The following SGSM1 variants were observed in gnomAD, a reference collection of about 807,000 sequenced individuals.
The protein encoded by SGSM1 is RUN and TBC1 domain containing 2.
In SGSM1, 73 loss-of-function variants were observed where a neutral mutation model predicts 133.8. The ratio of observed to expected loss-of-function variants is 0.55; its 90% confidence interval spans 0.45 to 0.66. The LOEUF (loss-of-function observed/expected upper bound fraction) is 0.66, where lower values mean the gene tolerates loss of function less well. Ranked by LOEUF, SGSM1 falls within the 30% of genes least tolerant of loss-of-function variation. The pLI is 0.00. For synonymous variants in SGSM1, 563 were observed against 573.0 expected (o/e 0.98, Z 0.25); for missense variants, 1,213 against 1,448.1 (o/e 0.84, Z 2.64).
chr22:24,869,225 G>C (rs941357232), intron 12 of SGSM1, among the ~76,000 whole-genome samples: 2 of 152,148 alleles, frequency 1.3e-5, no homozygotes, highest in Admixed American at 6.5e-5. Context: ...GAGGTAAGGC[G>C]GCCGGGCATG....
intron 9 of SGSM1, among the ~76,000 whole-genome samples, chr22:24,863,744 CT>C (rs200717326): frequency 0.12 from 17,209 of 140,266 alleles, 1,049 homozygotes; most frequent in South Asian, 0.24. Context: ...TTCTTCTTTT[CT>C]TTTTTTTTTT....
chr22:24,910,367 A>G (rs1194095215), intron 21 of SGSM1, among the ~76,000 whole-genome samples: 1 of 152,286 alleles, frequency 6.6e-6, no homozygotes, highest in African/African-American at 2.4e-5. Flanking sequence ...TGTTAAAAAA[A>G]TGGGGGCTGG....
At chr22:24,854,348 C>T (rs1285477354) in intron 5 of SGSM1, among the ~76,000 whole-genome samples, 1 of 152,184 alleles carries the variant, frequency 6.6e-6, no homozygotes, top group Non-Finnish European at 1.5e-5. Flanking sequence ...TAAGTCACTT[C>T]CTGTCTCAAA....
rs765780737 is a variant in SGSM1 at position 24,893,617 on chromosome 22, A to G, written c.1953+4A>G. On this transcript the variant is annotated splice_donor_region_variant and intron_variant, in intron 17 of 24. Coordinates refer to ENST00000400358, the MANE Select transcript of SGSM1 (RefSeq NM_001098497.3). ...GGACTCAACCATCAGCAATGAGGTG[A>G]TGGGCGGCTGGCCTCGGGGAGCGCG... 1 of 1,555,066 alleles carries G rather than the reference A, an allele frequency of 6.4e-7. No homozygotes were observed. Among genetic ancestry groups the G allele is most frequent in the Non-Finnish European group, 8.7e-7 (1 of 1,150,836 alleles).
intron 9 of SGSM1, among the ~76,000 whole-genome samples, chr22:24,866,403 G>A (rs182950605): frequency 1.4e-4 from 21 of 152,284 alleles, no homozygotes; most frequent in Admixed American, 1.2e-3. Flanking sequence ...TGACTCCTGC[G>A]CGTGGACACA....
intron 18 of SGSM1, among the ~76,000 whole-genome samples, chr22:24,897,485 A>T (rs564885951): frequency 1.3e-5 from 2 of 152,182 alleles, no homozygotes; most frequent in African/African-American, 4.8e-5. Flanking sequence ...GCTGTTTGAG[A>T]CAGAGTCTCA....
chr22:24,892,897 A>G (rs1932838816), intron 16 of SGSM1, among the ~76,000 whole-genome samples: 1 of 151,006 alleles, frequency 6.6e-6, no homozygotes, highest in Non-Finnish European at 1.5e-5. Context: ...AAAAAAAAAA[A>G]AAAAAATACA....
At chr22:24,917,584 C>A in intron 22 of SGSM1, 74 bp from the exon 23 acceptor site, 1 of 1,056,394 alleles carries the variant, frequency 9.5e-7, no homozygotes, top group Non-Finnish European at 1.4e-6. Context: ...GTGGATGTAC[C>A]ACCATTTATT....
chr22:24,919,040 CT>C (rs143985087), intron 23 of SGSM1, among the ~76,000 whole-genome samples: 1,248 of 71,790 alleles, frequency 0.017, 8 homozygotes, highest in African/African-American at 0.051. Context: ...CACACCCGGC[CT>C]TTTTTTTTTT....
chr22:24,893,519 C>T lies in SGSM1; in HGVS notation c.1859C>T (p.Ser620Phe), dbSNP rs1569166843. 6.2e-7 allele frequency: 1 copy of T among 1,612,416 alleles called. No individual in the cohort carries two copies. Residue 620 changes from serine (S) to phenylalanine (F), a missense_variant, in exon 17 of 25, where the codon TCC (serine) becomes TTC (phenylalanine). Ser to Phe is a radical substitution (Grantham distance 155). Transcript: ENST00000400358. Reference sequence around the variant, plus strand: ...ATCGTGCGGCAGAGGGAGCGGGAGTCCCATGCGGCCGCCCTGGCCAAATGC... The same window carrying T: ...ATCGTGCGGCAGAGGGAGCGGGAGTTCCATGCGGCCGCCCTGGCCAAATGC... ...EAIVRQRERE[S>F]HAAALAKCSS...
rs11284624 is a variant in SGSM1 at position 24,899,021 on chromosome 22, C to CA, written c.2610+488dup. ...CAGCCTGGACAACAGAGCAAGATCT[C>CA]AAAAAAAAAAAAAAAAAAAAAAAAA... On this transcript the variant is annotated intron_variant, in intron 19 of 24. Coordinates refer to ENST00000400358, the MANE Select transcript of SGSM1 (RefSeq NM_001098497.3). Among the ~76,000 whole-genome samples the CA allele has an allele frequency of 7.5e-3, 466 of 62,464 alleles. 31 individuals are homozygous for CA. Among genetic ancestry groups the CA allele is most frequent in the Non-Finnish European group, 0.012 (369 of 30,884 alleles). The allele number at this position is 62,464 out of a possible 152,430, so 41.0% of individuals were successfully genotyped here.
rs754496564 is a variant in SGSM1 at position 24,876,657 on chromosome 22, T to A, written c.1372T>A (p.Ser458Thr). 1 of 1,613,970 alleles carries A rather than the reference T, an allele frequency of 6.2e-7. No individual in the cohort carries two copies. The highest frequency in any genetic ancestry group is 8.5e-7 in the Non-Finnish European group (1 of 1,179,898). ...CAGTCCCCGGAAGTCCTCCTGTTCA[T>A]CCTGTTCACAGAGTGGCTCGGCTGA... ...QPSPRKSSCS[S>T]CSQSGSADGS... The change falls in exon 13 of 25, where the codon TCC (serine) becomes ACC (threonine). Residue 458 changes from serine (S) to threonine (T), a missense_variant. Physicochemically the swap from Ser to Thr is moderately conservative, Grantham distance 58. Coordinates refer to ENST00000400358, the MANE Select transcript of SGSM1 (RefSeq NM_001098497.3).
At chr22:24,913,086 T>C (rs1054283013) in intron 22 of SGSM1, among the ~76,000 whole-genome samples, 5 of 151,998 alleles carry the variant, frequency 3.3e-5, no homozygotes, top group African/African-American at 4.8e-5. Flanking sequence ...GGCAACTTGT[T>C]AGAAGTGCAA....
intron 9 of SGSM1, among the ~76,000 whole-genome samples, chr22:24,865,795 A>C (rs954897749): frequency 4.6e-5 from 7 of 152,184 alleles, no homozygotes; most frequent in Admixed American, 3.3e-4. Context: ...AAGGTTGGGC[A>C]GAAGGAGTCT....
intron 21 of SGSM1, among the ~76,000 whole-genome samples, chr22:24,909,196 C>T (rs117683319): frequency 6.6e-6 from 1 of 152,290 alleles, no homozygotes; most frequent in Non-Finnish European, 1.5e-5. Flanking sequence ...CCCGACTCCA[C>T]TCCCTGTCCA....
chr22:24,901,870 G>T lies in SGSM1; in HGVS notation c.2648G>T (p.Arg883Leu), dbSNP rs761415497. 2.5e-6 allele frequency: 4 copies of T among 1,612,032 alleles called. No homozygotes were observed. Among genetic ancestry groups the T allele is most frequent in the Non-Finnish European group, 2.5e-6 (3 of 1,179,222 alleles). ...LLDLYTVNLHRIEKDVQRCDR... is the reference protein window; with the variant it reads ...LLDLYTVNLHLIEKDVQRCDR... Reference sequence around the variant, plus strand: ...GATCTGTACACGGTGAACCTGCACCGCATCGAGAAGGATGTGCAGAGGTGC... The same window carrying T: ...GATCTGTACACGGTGAACCTGCACCTCATCGAGAAGGATGTGCAGAGGTGC... Residue 883 changes from arginine (R) to leucine (L), a missense_variant, in exon 20 of 25, where the codon CGC (arginine) becomes CTC (leucine). Transcript: ENST00000400358.
intron 2 of SGSM1, among the ~76,000 whole-genome samples, chr22:24,817,279 G>A (rs1321718211): frequency 3.3e-5 from 5 of 152,114 alleles, no homozygotes; most frequent in African/African-American, 1.2e-4. Flanking sequence ...CTATTCTACG[G>A]GTGTGCAAAT....
intron 19 of SGSM1, among the ~76,000 whole-genome samples, chr22:24,900,232 G>A (rs539757702): frequency 2.8e-4 from 43 of 152,046 alleles, no homozygotes; most frequent in South Asian, 6.3e-4. Flanking sequence ...ATGTTGCTCA[G>A]GCTGGTCTTG....
intron 8 of SGSM1, among the ~76,000 whole-genome samples, chr22:24,856,532 G>T (rs190331008): frequency 6.6e-6 from 1 of 152,084 alleles, no homozygotes; most frequent in Non-Finnish European, 1.5e-5. Flanking sequence ...GTCTCCTTTC[G>T]CTGTCCCCTC....
Sources: allele counts gnomAD v4.1 joint callset (sites outside exome capture counted in the v4.1 genomes callset), GRCh38; gene constraint gnomAD v4.1.1; transcripts MANE v1.5; gene names NCBI Gene and HGNC (gene_info 2026-07-23, HGNC 2026-07-21).